Variants in TRPS1 observed in about 807,000 individuals in gnomAD.
TRPS1 encodes the protein transcriptional repressor GATA binding 1.
A neutral mutation model predicts 101.2 loss-of-function variants in TRPS1; 6 were observed. The observed-to-expected ratio is 0.06, with a 90% confidence interval of 0.03 to 0.12. The LOEUF is 0.12. TRPS1 is among the 10% of genes least tolerant of loss of function. TRPS1 has a pLI of 1.00. For synonymous variants in TRPS1, 578 were observed against 589.8 expected, an observed-to-expected ratio of 0.98 and a Z score of 0.29; for missense variants, 1,363 against 1,567.0, an observed-to-expected ratio of 0.87 and a Z score of 2.20.
At chr8:115,621,244 G>A (rs1046532824) in intron 2 of TRPS1, among the ~76,000 whole-genome samples, 6 of 152,128 alleles carry the variant, frequency 3.9e-5, no homozygotes, top group Non-Finnish European at 7.4e-5. Context: ...AAAAGCTGTC[G>A]AGTGCTGTGT....
intron 5 of TRPS1, among the ~76,000 whole-genome samples, chr8:115,422,048 G>C (rs1813075908): frequency 6.6e-6 from 1 of 152,148 alleles, no homozygotes; most frequent in Admixed American, 6.5e-5. Flanking sequence ...AAAATACTTT[G>C]TCACTCTCCT....
At chr8:115,526,201 C>T (rs557457681) in intron 5 of TRPS1, among the ~76,000 whole-genome samples, 4 of 152,122 alleles carry the variant, frequency 2.6e-5, no homozygotes, top group South Asian at 2.1e-4. Flanking sequence ...CCCAGCTACT[C>T]GAGAGACTGA....
In TRPS1 at chr8:115,566,726, C is replaced by T. The variant is rs771562809; in HGVS notation, c.2700+20275G>A. ...TATCTGTAAAAATTTAAGACAGCTACAAAAGTTCTAATAAATTGGGATAAT... is the reference window on the plus strand; with the variant it reads ...TATCTGTAAAAATTTAAGACAGCTATAAAAGTTCTAATAAATTGGGATAAT... On this transcript the variant is annotated intron_variant, in intron 5 of 6. Transcript: ENST00000395715. Among the ~76,000 whole-genome samples, 142 of 152,136 alleles carry T rather than the reference C, an allele frequency of 9.3e-4. 1 individual carries two copies. Among genetic ancestry groups the T allele is most frequent in the Non-Finnish European group, 1.5e-3 (101 of 67,984 alleles).
chr8:115,647,480 T>C (rs901187857), intron 1 of TRPS1, among the ~76,000 whole-genome samples: 5 of 152,188 alleles, frequency 3.3e-5, no homozygotes, highest in African/African-American at 4.8e-5. Context: ...TATATACATA[T>C]ATAGCCTTAG....
chr8:115,469,627 T>C lies in TRPS1; in HGVS notation c.2701-51175A>G, dbSNP rs190904170. On this transcript the variant is annotated intron_variant, in intron 5 of 6. Coordinates refer to ENST00000395715, the MANE Select transcript of TRPS1 (RefSeq NM_014112.5). ...GATTCTCCTGCCTCAGCCTCCCAAG[T>C]AGCTGGAAGCTCCCAAGTAGCTTCC... 2.0e-3 allele frequency among the ~76,000 whole-genome samples: 292 copies of C among 142,818 alleles called. 1 individual carries two copies. The highest frequency in any genetic ancestry group is 3.4e-3 in the Non-Finnish European group (234 of 67,932). The allele number at this position is 142,818 out of a possible 152,430, so 93.7% of individuals were successfully genotyped here. A position where few individuals can be genotyped will look rare whatever the true frequency, so the allele number is the denominator to read the frequency against.
intron 5 of TRPS1, among the ~76,000 whole-genome samples, chr8:115,534,753 GT>G (rs920090379): frequency 3.9e-5 from 6 of 152,138 alleles, no homozygotes; most frequent in African/African-American, 1.4e-4. Flanking sequence ...ATGCTAAACT[GT>G]TTTGGAATGA....
At chr8:115,557,685 A>G (rs1816854553) in intron 5 of TRPS1, among the ~76,000 whole-genome samples, 1 of 152,178 alleles carries the variant, frequency 6.6e-6, no homozygotes, top group East Asian at 1.9e-4. Context: ...CTGTGAGTCA[A>G]TGACACCTCT....
At chr8:115,534,220 C>T (rs1429249736) in intron 5 of TRPS1, among the ~76,000 whole-genome samples, 2 of 151,686 alleles carry the variant, frequency 1.3e-5, no homozygotes, top group African/African-American at 4.8e-5. Context: ...ACTGCAGTAC[C>T]ATCACACTGG....
intron 5 of TRPS1, among the ~76,000 whole-genome samples, chr8:115,441,892 A>AGTGTGTGT (rs1242421181): frequency 6.1e-5 from 7 of 114,244 alleles, no homozygotes; most frequent in Non-Finnish European, 1.0e-4. Context: ...AGAGAGAGAG[A>AGTGTGTGT]GAGAGAGTGT....
intron 5 of TRPS1, among the ~76,000 whole-genome samples, chr8:115,442,932 A>C (rs1202913796): frequency 6.6e-6 from 1 of 151,982 alleles, no homozygotes; most frequent in Non-Finnish European, 1.5e-5. Context: ...TCTACTAAAA[A>C]AAATACAAAA....
chr8:115,631,895 TC>T (rs1253789404), intron 1 of TRPS1, among the ~76,000 whole-genome samples: 1 of 152,042 alleles, frequency 6.6e-6, no homozygotes, highest in Non-Finnish European at 1.5e-5. Context: ...TAGCTCTAGG[TC>T]CATGGGCACA....
chr8:115,435,786 G>A (rs1049504608), intron 5 of TRPS1, among the ~76,000 whole-genome samples: 1 of 152,058 alleles, frequency 6.6e-6, no homozygotes, highest in Non-Finnish European at 1.5e-5. Flanking sequence ...CTTGATATAA[G>A]TTCTGGTATG....
intron 5 of TRPS1, among the ~76,000 whole-genome samples, chr8:115,523,908 G>T (rs1477539631): frequency 6.6e-6 from 1 of 152,112 alleles, no homozygotes; most frequent in African/African-American, 2.4e-5. Flanking sequence ...ATATAGAAAA[G>T]AATCTTCCAT....
At chr8:115,622,180 G>C (rs1818410772) in intron 2 of TRPS1, among the ~76,000 whole-genome samples, 1 of 151,946 alleles carries the variant, frequency 6.6e-6, no homozygotes. Flanking sequence ...AACAAAACTT[G>C]ATAACCACTG....
chr8:115,475,297 T>TAC (rs1386337699), intron 5 of TRPS1, among the ~76,000 whole-genome samples: 1 of 120,098 alleles, frequency 8.3e-6, no homozygotes, highest in African/African-American at 2.8e-5. Flanking sequence ...TATATATATA[T>TAC]ATATATATTT....
intron 5 of TRPS1, among the ~76,000 whole-genome samples, chr8:115,469,319 A>G (rs1284867484): frequency 1.3e-5 from 2 of 152,172 alleles, no homozygotes; most frequent in African/African-American, 4.8e-5. Flanking sequence ...GCAAGTTACA[A>G]ATTAACTAGA....
At chr8:115,430,205 T>A (rs746647951) in intron 5 of TRPS1, among the ~76,000 whole-genome samples, 18 of 152,306 alleles carry the variant, frequency 1.2e-4, no homozygotes, top group Middle Eastern at 3.4e-3. Flanking sequence ...GCTTTTCATA[T>A]CTTGAATTGT....
intron 5 of TRPS1, among the ~76,000 whole-genome samples, chr8:115,559,379 A>G (rs567122659): frequency 3.9e-5 from 6 of 152,286 alleles, no homozygotes; most frequent in African/African-American, 1.4e-4. Context: ...TATTTGGATA[A>G]CACTAAATTC....
chr8:115,581,861 T>G (rs1817459835), intron 5 of TRPS1, among the ~76,000 whole-genome samples: 1 of 152,184 alleles, frequency 6.6e-6, no homozygotes, highest in Non-Finnish European at 1.5e-5. Context: ...CATATATTTT[T>G]CAAATAGATG....
Sources: gnomAD v4.1 joint callset for allele counts (sites outside exome capture counted in the v4.1 genomes callset) on GRCh38, gnomAD v4.1.1 for gene constraint, MANE v1.5 for transcripts, NCBI Gene and HGNC (gene_info 2026-07-23, HGNC 2026-07-21) for gene names.